FER: variants seen among roughly 807,000 people sequenced by gnomAD.
FER encodes the protein FER tyrosine kinase, also known as tyrosine-protein kinase Fer.
Under a neutral mutation model 111.0 loss-of-function variants are expected in FER, and 63 were observed. The ratio of observed to expected loss-of-function variants is 0.57; its 90% confidence interval spans 0.46 to 0.70. FER has a LOEUF of 0.70. Ranked by LOEUF, FER falls within the 30% of genes least tolerant of loss-of-function variation. The pLI, the probability that FER is intolerant of heterozygous loss-of-function variation, is 0.00. For synonymous variants in FER, 327 were observed against 313.9 expected, an observed-to-expected ratio of 1.04 and a Z score of -0.44; for missense variants, 914 against 954.0, an observed-to-expected ratio of 0.96 and a Z score of 0.55.
intron 13 of FER, among the ~76,000 whole-genome samples, chr5:108,964,515 A>G (rs1759548593): frequency 1.3e-5 from 2 of 152,104 alleles, no homozygotes; most frequent in African/African-American, 4.8e-5. Context: ...CCTGGGGAAG[A>G]GTGTTTGCTG....
intron 19 of FER, 83 bp from the exon 20 acceptor site, chr5:109,187,350 T>G: frequency 7.0e-7 from 1 of 1,428,110 alleles, no homozygotes; most frequent in Non-Finnish European, 9.6e-7. Context: ...GTACCAAAAG[T>G]TAATAACTGC....
chr5:108,991,868 T>C (rs1460213280), intron 13 of FER, among the ~76,000 whole-genome samples: 1 of 150,844 alleles, frequency 6.6e-6, no homozygotes, highest in Non-Finnish European at 1.5e-5. Flanking sequence ...ATTTTCTTTT[T>C]TTTTTTTAAA....
intron 16 of FER, chr5:109,051,192 C>T (rs1772745315): frequency 1.4e-6 from 1 of 704,804 alleles, no homozygotes; most frequent in Non-Finnish European, 2.5e-6. Flanking sequence ...TTCTAAGCCT[C>T]ATGAATAAGA....
intron 13 of FER, among the ~76,000 whole-genome samples, chr5:108,985,000 A>G (rs1311461000): frequency 6.6e-6 from 1 of 152,128 alleles, no homozygotes; most frequent in Admixed American, 6.6e-5. Context: ...AATTTTGAGT[A>G]TCTAATAATA....
chr5:108,995,617 A>G (rs1393047102), intron 13 of FER, among the ~76,000 whole-genome samples: 1 of 152,184 alleles, frequency 6.6e-6, no homozygotes, highest in East Asian at 1.9e-4. Flanking sequence ...ATGGCTACTT[A>G]GTATTCCATG....
At chr5:108,877,430 A>T (rs959792870) in intron 8 of FER, among the ~76,000 whole-genome samples, 3 of 152,228 alleles carry the variant, frequency 2.0e-5, no homozygotes, top group Non-Finnish European at 2.9e-5. Flanking sequence ...AGTGGGTATT[A>T]GGAGGTGACT....
At chr5:108,975,635 T>A (rs180947513) in intron 13 of FER, among the ~76,000 whole-genome samples, 59 of 151,878 alleles carry the variant, frequency 3.9e-4, no homozygotes, top group African/African-American at 1.3e-3. Flanking sequence ...CGGATAATTA[T>A]GGCTTCATCT....
intron 5 of FER, chr5:108,842,762 G>C (rs371733983): frequency 1.3e-5 from 2 of 152,118 alleles, no homozygotes; most frequent in Non-Finnish European, 2.9e-5. Flanking sequence ...AGATGTTGGC[G>C]TGGATATGGA....
chr5:109,179,768 CA>C (rs1429653891), intron 17 of FER, among the ~76,000 whole-genome samples: 4 of 150,880 alleles, frequency 2.7e-5, no homozygotes, highest in African/African-American at 9.8e-5. Flanking sequence ...GGATCATGTG[CA>C]TATGCAAATC....
chr5:108,778,927 G>C (rs1002480152), intron 2 of FER, among the ~76,000 whole-genome samples: 3 of 151,264 alleles, frequency 2.0e-5, no homozygotes, highest in Admixed American at 6.6e-5. Flanking sequence ...TCCTCTAGGA[G>C]TTTTACTTTT....
rs113701847 is a variant in FER, at chr5:108,769,464, C to T, written c.-60+1226C>T. 3.1e-3 allele frequency among the ~76,000 whole-genome samples: 467 copies of T among 152,132 alleles called. 2 individuals are homozygous for T. Among genetic ancestry groups the T allele is most frequent in the African/African-American group, 0.01 (417 of 41,498 alleles). On this transcript the variant is annotated intron_variant, in intron 2 of 19. Coordinates refer to ENST00000281092, the MANE Select transcript of FER (RefSeq NM_005246.4). ...GAAGAGATTATAGAAATATTTAGGGCTTTGAAGGGTTTGGCCCGAGGTTTG... is the reference window on the plus strand; with the variant it reads ...GAAGAGATTATAGAAATATTTAGGGTTTTGAAGGGTTTGGCCCGAGGTTTG...
intron 2 of FER, chr5:108,785,056 G>A: frequency 2.6e-6 from 1 of 389,582 alleles, no homozygotes; most frequent in South Asian, 3.7e-5. Flanking sequence ...CAGAGTGGGT[G>A]TCTTGTGTTC....
chr5:109,045,367 T>C (rs938117213), intron 15 of FER, among the ~76,000 whole-genome samples: 7 of 151,978 alleles, frequency 4.6e-5, no homozygotes, highest in African/African-American at 1.7e-4. Context: ...AAAACATGCA[T>C]AAATTTTTTA....
chr5:108,997,179 G>A (rs1009462640), intron 13 of FER, among the ~76,000 whole-genome samples: 1 of 150,862 alleles, frequency 6.6e-6, no homozygotes, highest in African/African-American at 2.4e-5. Flanking sequence ...GCCGAGGCAG[G>A]CAGATCACAA....
intron 17 of FER, among the ~76,000 whole-genome samples, chr5:109,133,972 A>C (rs1034561465): frequency 6.6e-6 from 1 of 151,952 alleles, no homozygotes; most frequent in African/African-American, 2.4e-5. Context: ...CGATAGCTGA[A>C]GGGTTTGACT....
At chr5:108,988,470 C>G (rs1305032909) in intron 13 of FER, among the ~76,000 whole-genome samples, 1 of 152,086 alleles carries the variant, frequency 6.6e-6, no homozygotes, top group African/African-American at 2.4e-5. Flanking sequence ...CTGCTTATTA[C>G]TGATCTGCTC....
intron 3 of FER, 30 bp downstream of exon 3, chr5:108,798,419 T>G: frequency 6.6e-7 from 1 of 1,506,944 alleles, no homozygotes; most frequent in Non-Finnish European, 9.2e-7. Flanking sequence ...TCTTTGTTAT[T>G]TATAACATTA....
chr5:109,134,864 T>C (rs1752725348), intron 17 of FER, among the ~76,000 whole-genome samples: 1 of 152,210 alleles, frequency 6.6e-6, no homozygotes, highest in Non-Finnish European at 1.5e-5. Context: ...GTAGGGGACA[T>C]GGCTAAGGCA....
At chr5:109,048,128 A>G (rs1424066632) in intron 16 of FER, among the ~76,000 whole-genome samples, 1 of 152,162 alleles carries the variant, frequency 6.6e-6, no homozygotes, top group Non-Finnish European at 1.5e-5. Context: ...TTTAATTAAA[A>G]TATATTAAGT....
Sources: allele counts gnomAD v4.1 joint callset (sites outside exome capture counted in the v4.1 genomes callset), GRCh38; gene constraint gnomAD v4.1.1; transcripts MANE v1.5; gene names NCBI Gene and HGNC (gene_info 2026-07-23, HGNC 2026-07-21).